ZNF595: variants seen among roughly 807,000 people sequenced by gnomAD.
ZNF595 encodes the protein zinc finger protein 595.
Under a neutral mutation model 19.4 loss-of-function variants are expected in ZNF595, and 9 were observed. The ratio of observed to expected loss-of-function variants is 0.46; its 90% CI spans 0.28 to 0.81. The LOEUF is 0.81. Among genes scored for constraint, ZNF595 ranks in the 30% least tolerant of loss-of-function variants. The pLI is 0.11. For synonymous variants in ZNF595, 255 were observed against 255.9 expected, an observed-to-expected ratio of 1.00 and a Z score of 0.03; for missense variants, 729 against 736.0, an observed-to-expected ratio of 0.99 and a Z score of 0.11.
intron 3 of ZNF595, among the ~76,000 whole-genome samples, chr4:60,955 AAGAT>A (rs1182950398): frequency 9.9e-5 from 15 of 151,638 alleles, no homozygotes; most frequent in African/African-American, 3.4e-4. Flanking sequence ...ACATTGGAAG[AAGAT>A]TTGTCTTGGG....
At chr4:76,664 A>G (rs1713672465) in intron 3 of ZNF595, among the ~76,000 whole-genome samples, 1 of 152,126 alleles carries the variant, frequency 6.6e-6, no homozygotes, top group African/African-American at 2.4e-5. Flanking sequence ...TAATCTGAGA[A>G]TATCTCGATT....
intron 3 of ZNF595, among the ~76,000 whole-genome samples, chr4:66,333 G>GT (rs1581331779): frequency 5.7e-4 from 81 of 141,676 alleles, no homozygotes; most frequent in Middle Eastern, 3.7e-3. Flanking sequence ...GTAACTTTTT[G>GT]TTTTTTTTTT....
At chr4:62,003 A>G (rs1178526125) in intron 3 of ZNF595, among the ~76,000 whole-genome samples, 4 of 133,874 alleles carry the variant, frequency 3.0e-5, no homozygotes, top group African/African-American at 5.8e-5. Flanking sequence ...CACATAGATA[A>G]CCATTTTTTT....
chr4:87,484 CTT>C lies in ZNF595; in HGVS notation c.*35_*36del. On this transcript the variant is annotated 3_prime_UTR_variant, in exon 4 of 4. Coordinates refer to ENST00000610261, the MANE Select transcript of ZNF595 (RefSeq NM_182524.4). ...TTCTAGTAATCTCTAATTCCAGTGT[CTT>C]TACACAGCAAATAAATTGGAGAATA... The C allele has an allele frequency of 6.8e-7, 1 of 1,470,722 alleles. No homozygotes were observed. The highest frequency in any genetic ancestry group is 9.0e-7 in the Non-Finnish European group (1 of 1,106,854). 91.1% of individuals were successfully genotyped at this position (1,470,722 alleles called of 1,614,324 possible). A position where few individuals can be genotyped will look rare whatever the true frequency, so the allele number is the denominator to read the frequency against.
Position 85,775 on chromosome 4 carries a change from A to G in ZNF595, c.271A>G (p.Ile91Val). The G allele has an allele frequency of 6.2e-7, 1 of 1,611,546 alleles. No individual in the cohort carries two copies. The highest frequency in any genetic ancestry group is 2.2e-5 in the East Asian group (1 of 44,808). Residue 91 changes from isoleucine to valine, a missense_variant, in exon 4 of 4, where the codon ATA becomes GTA. Ile to Val is a conservative substitution (Grantham distance 29). Transcript: ENST00000610261. ...CCAAGACCTTTCACCAGTGCAGGGG[A>G]TAGAAGATTCATTCCACAAACTTAT... ...FSQDLSPVQG[I>V]EDSFHKLILK...
intron 3 of ZNF595, among the ~76,000 whole-genome samples, chr4:60,884 A>G (rs1376823685): frequency 6.6e-6 from 1 of 152,250 alleles, no homozygotes; most frequent in African/African-American, 2.4e-5. Flanking sequence ...TATATATTCA[A>G]ATTTTCAAAT....
At chr4:76,783 T>C (rs182949853) in intron 3 of ZNF595, among the ~76,000 whole-genome samples, 19 of 152,324 alleles carry the variant, frequency 1.2e-4, no homozygotes, top group African/African-American at 4.6e-4. Context: ...CTCACTCCTA[T>C]CTGGCTTGCA....
At chr4:74,073 C>G (rs1226733193) in intron 3 of ZNF595, among the ~76,000 whole-genome samples, 1 of 151,994 alleles carries the variant, frequency 6.6e-6, no homozygotes, top group Non-Finnish European at 1.5e-5. Flanking sequence ...TTTGGGAGGC[C>G]ACAGAGGGCA....
At position 86,528 on chromosome 4, in the gene ZNF595, T is replaced by G; in HGVS notation, c.1024T>G (p.Cys342Gly). Reference sequence around the variant, plus strand: ...TCATACTGGCGAAAAACCCTACACATGTGAAAAATGTGGCAAAGCTTTTAA... The same window carrying G: ...TCATACTGGCGAAAAACCCTACACAGGTGAAAAATGTGGCAAAGCTTTTAA... Reference protein sequence around the residue: ...NIHTGEKPYTCEKCGKAFNQS... With the variant: ...NIHTGEKPYTGEKCGKAFNQS... The change falls in exon 4 of 4, where the codon TGT (cysteine) becomes GGT (glycine). Residue 342 changes from cysteine to glycine, a missense_variant. Cys to Gly is a radical substitution (Grantham distance 159, BLOSUM62 -3). This residue lies in a region of ZNF595 where 729 missense variants were observed against 675.3 expected (regional missense o/e 1.08). Transcript: ENST00000610261. The G allele has an allele frequency of 6.2e-7, 1 of 1,613,498 alleles. No homozygotes were observed. The highest frequency in any genetic ancestry group is 8.5e-7 in the Non-Finnish European group (1 of 1,179,580).
chr4:81,155 C>T (rs576143373), intron 3 of ZNF595, among the ~76,000 whole-genome samples: 132 of 152,286 alleles, frequency 8.7e-4, no homozygotes, highest in African/African-American at 3.0e-3. Flanking sequence ...CTGCAAAGGA[C>T]GTGAACTCAT....
intron 3 of ZNF595, among the ~76,000 whole-genome samples, chr4:74,814 G>C (rs535335545): frequency 1.9e-4 from 29 of 152,316 alleles, no homozygotes; most frequent in African/African-American, 7.0e-4. Context: ...CAGTGGCGGA[G>C]AGGTGACTGA....
chr4:74,767 G>A (rs1713576142), intron 3 of ZNF595, among the ~76,000 whole-genome samples: 1 of 152,168 alleles, frequency 6.6e-6, no homozygotes, highest in Admixed American at 6.5e-5. Flanking sequence ...TTTCTGATTA[G>A]CCTCTCCAAA....
At chr4:82,603 C>T (rs568387640) in intron 3 of ZNF595, among the ~76,000 whole-genome samples, 2 of 151,734 alleles carry the variant, frequency 1.3e-5, no homozygotes, top group South Asian at 4.2e-4. Flanking sequence ...AGGCTGGTCT[C>T]GAACTAATGA....
Position 87,344 on chromosome 4 carries a change from C to A in ZNF595, c.1840C>A (p.His614Asn). The A allele has an allele frequency of 6.2e-7, 1 of 1,613,526 alleles. No individual in the cohort carries two copies. ...ATCCCTTACTAAACATAAGATAATT[C>A]ATACTGGAGAGAAATCCTACAAATG... ...SSSLTKHKII[H>N]TGEKSYKCEE... Residue 614 changes from histidine (H) to asparagine (N), a missense_variant, in exon 4 of 4, where the codon CAT (histidine) becomes AAT (asparagine). His to Asn is a moderately conservative substitution (Grantham distance 68). Coordinates refer to ENST00000610261, the MANE Select transcript of ZNF595 (RefSeq NM_182524.4).
chr4:87,277 C>G lies in ZNF595; in HGVS notation c.1773C>G (p.Pro591=). 2 of 1,611,998 alleles carry G rather than the reference C, an allele frequency of 1.2e-6. No homozygotes were observed. The highest frequency in any genetic ancestry group is 1.7e-6 in the Non-Finnish European group (2 of 1,179,208). ...KHKRIHTGEK[P]FTCEECGKAF... is the part of the protein sequence containing the mutation. Reference sequence around the variant, plus strand: ...AGAGAATTCATACTGGAGAGAAACCCTTCACATGTGAAGAATGTGGCAAAG... The same window carrying G: ...AGAGAATTCATACTGGAGAGAAACCGTTCACATGTGAAGAATGTGGCAAAG... Residue 591 remains proline (P), a synonymous_variant, in exon 4 of 4, where the codon CCC becomes CCG. Transcript: ENST00000610261.
chr4:86,824 A>G lies in ZNF595; in HGVS notation c.1320A>G (p.Ile440Met), dbSNP rs782598971. 7 of 1,611,842 alleles carry G rather than the reference A, an allele frequency of 4.3e-6. No homozygotes were observed. The Admixed American group carries it at 5.0e-5, about 12-fold the overall frequency. ...GKAFNQSSTLILHKRIHSGQK... is the reference protein window; with the variant it reads ...GKAFNQSSTLMLHKRIHSGQK... ...CTTTTAACCAATCCTCAACTCTTAT[A>G]TTACACAAGAGAATCCATTCTGGGC... is the stretch of plus-strand genomic sequence containing the variant. The change falls in exon 4 of 4, where the codon ATA (isoleucine) becomes ATG (methionine). Residue 440 changes from isoleucine (I) to methionine (M), a missense_variant. Transcript: ENST00000610261.
At chr4:64,467 A>G (rs2108749135) in intron 3 of ZNF595, among the ~76,000 whole-genome samples, 1 of 152,426 alleles carries the variant, frequency 6.6e-6, no homozygotes, top group African/African-American at 2.4e-5. Context: ...AAATAAATGT[A>G]AAGTGACCGA....
intron 3 of ZNF595, among the ~76,000 whole-genome samples, chr4:66,017 A>G (rs1228886506): frequency 8.0e-6 from 1 of 125,170 alleles, no homozygotes; most frequent in African/African-American, 3.1e-5. Context: ...GCATACTTTA[A>G]ATAGATGCTC....
intron 3 of ZNF595, among the ~76,000 whole-genome samples, chr4:79,965 T>G (rs1713837435): frequency 6.6e-6 from 1 of 152,226 alleles, no homozygotes; most frequent in African/African-American, 2.4e-5. Flanking sequence ...CTGCTAGACA[T>G]CTTTATTTTT....
Sources: gnomAD v4.1 joint callset for allele counts (sites outside exome capture counted in the v4.1 genomes callset) on GRCh38, gnomAD v4.1.1 for gene constraint, gnomAD v4.1.1 regional missense constraint, MANE v1.5 for transcripts, NCBI Gene and HGNC (gene_info 2026-07-23, HGNC 2026-07-21) for gene names.